SLC39A8: variants seen among roughly 807,000 people sequenced by gnomAD.
SLC39A8 encodes solute carrier family 39 member 8.
A neutral mutation model predicts 40.4 loss-of-function variants in SLC39A8; 15 were observed. The ratio of observed to expected loss-of-function variants is 0.37; its 90% CI spans 0.25 to 0.57. The LOEUF (loss-of-function observed/expected upper bound fraction) is 0.57. Among genes scored for constraint, SLC39A8 ranks in the 20% least tolerant of loss-of-function variants. The pLI is 0.75. For missense variants in SLC39A8, 472 were observed against 558.8 expected (o/e 0.84, Z 1.57); for synonymous variants, 223 against 221.6 (o/e 1.01, Z -0.06).
At chr4:102,266,648 G>A (rs901977727) in intron 8 of SLC39A8, among the ~76,000 whole-genome samples, 31 of 149,646 alleles carry the variant, frequency 2.1e-4, no homozygotes, top group African/African-American at 4.8e-4. Flanking sequence ...TCGTTCTGTC[G>A]TCAGGCTGGA....
At chr4:102,295,372 G>T (rs1243503137) in intron 6 of SLC39A8, among the ~76,000 whole-genome samples, 1 of 151,872 alleles carries the variant, frequency 6.6e-6, no homozygotes, top group Non-Finnish European at 1.5e-5. Context: ...CACAATTAAT[G>T]AGAATGTTAT....
chr4:102,344,994 G>A (rs1736114857), intron 1 of SLC39A8, 79 bp from the exon 2 acceptor site: 1 of 951,380 alleles, frequency 1.1e-6, no homozygotes, highest in Non-Finnish European at 1.3e-6. Flanking sequence ...ACGCTGCGTG[G>A]CAGTAGCCCT....
In SLC39A8 at chr4:102,262,467, T is replaced by C. The variant is rs1208461592; in HGVS notation, c.*577A>G. ...TATTATTTTAGAATGGTTTTCAAAA[T>C]AATACTGCAAGTTCCTAATTGAAAT... On this transcript the variant is annotated 3_prime_UTR_variant, in exon 9 of 9. Transcript: ENST00000356736. 4 of 985,250 alleles carry C rather than the reference T, an allele frequency of 4.1e-6. No homozygotes were observed. The highest frequency in any genetic ancestry group is 4.8e-6 in the Non-Finnish European group (4 of 829,736). The allele number at this position is 985,250 out of a possible 1,614,324, so 61.0% of individuals were successfully genotyped here.
At chr4:102,333,456 G>A (rs183844191) in intron 2 of SLC39A8, among the ~76,000 whole-genome samples, 1 of 152,246 alleles carries the variant, frequency 6.6e-6, no homozygotes, top group Non-Finnish European at 1.5e-5. Flanking sequence ...ATTATGACAA[G>A]ACTTATGTGC....
intron 3 of SLC39A8, among the ~76,000 whole-genome samples, chr4:102,312,932 G>A (rs990699406): frequency 6.6e-6 from 1 of 152,220 alleles, no homozygotes; most frequent in Non-Finnish European, 1.5e-5. Flanking sequence ...TTAGTCAAGG[G>A]TAGTATCCTA....
At chr4:102,299,031 G>C (rs1733795410) in intron 6 of SLC39A8, among the ~76,000 whole-genome samples, 1 of 151,978 alleles carries the variant, frequency 6.6e-6, no homozygotes, top group African/African-American at 2.4e-5. Flanking sequence ...AAGTGAACTA[G>C]AGAGACCCTC....
chr4:102,300,953 A>G (rs756564807), intron 6 of SLC39A8, among the ~76,000 whole-genome samples: 2 of 151,936 alleles, frequency 1.3e-5, no homozygotes, highest in Non-Finnish European at 2.9e-5. Flanking sequence ...CTGTTGCTCA[A>G]TTTGTTTAAA....
chr4:102,308,771 C>G (rs932087253), intron 3 of SLC39A8, among the ~76,000 whole-genome samples: 2 of 152,118 alleles, frequency 1.3e-5, no homozygotes, highest in Non-Finnish European at 2.9e-5. Flanking sequence ...ACACTAGTAA[C>G]ACCTACAGCT....
At chr4:102,329,174 G>A (rs1174333040) in intron 2 of SLC39A8, among the ~76,000 whole-genome samples, 5 of 152,304 alleles carry the variant, frequency 3.3e-5, no homozygotes, top group African/African-American at 1.2e-4. Context: ...AGCACTGAAG[G>A]TGAAATGTGA....
In SLC39A8 at chr4:102,277,417, G is replaced by A. The variant is rs182925729; in HGVS notation, c.841-9338C>T. Among the ~76,000 whole-genome samples, 91 of 152,126 alleles carry A rather than the reference G, an allele frequency of 6.0e-4. 1 individual carries two copies. Among genetic ancestry groups the A allele is most frequent in the African/African-American group, 1.9e-3 (77 of 41,496 alleles). ...GCTACCAAGAGAATAAAATACCTAG[G>A]AATACAACTTACAAGGGATGTGAAG... On this transcript the variant is annotated intron_variant, in intron 6 of 8. Transcript: ENST00000356736.
chr4:102,316,488 A>T (rs1734663600), intron 2 of SLC39A8, among the ~76,000 whole-genome samples: 2 of 152,200 alleles, frequency 1.3e-5, no homozygotes, highest in African/African-American at 4.8e-5. Context: ...TAGAATCTAC[A>T]TTAGGAAAAA....
Position 102,262,825 on chromosome 4 carries a change from T to C in SLC39A8, c.*219A>G, listed in dbSNP as rs1387597871. 1.5e-6 allele frequency: 2 copies of C among 1,323,732 alleles called. No homozygotes were observed. The highest frequency in any genetic ancestry group is 4.1e-5 in the South Asian group (2 of 48,624). The allele number at this position is 1,323,732 out of a possible 1,614,324, so 82.0% of individuals were successfully genotyped here. A position where few individuals can be genotyped will look rare whatever the true frequency, so the allele number is the denominator to read the frequency against. On this transcript the variant is annotated 3_prime_UTR_variant, in exon 9 of 9. Transcript: ENST00000356736. Reference sequence around the variant, plus strand: ...AATAGGTATTTCCCAAAGGCTCCTATATACCAGGCATCTCAGACTGACACT... The same window carrying C: ...AATAGGTATTTCCCAAAGGCTCCTACATACCAGGCATCTCAGACTGACACT...
At chr4:102,316,042 T>C (rs955937793) in intron 2 of SLC39A8, among the ~76,000 whole-genome samples, 33 of 152,206 alleles carry the variant, frequency 2.2e-4, no homozygotes, top group African/African-American at 7.7e-4. Context: ...AAAAATCCCT[T>C]CTTAATCAAC....
chr4:102,287,293 G>A (rs924436168), intron 6 of SLC39A8, among the ~76,000 whole-genome samples: 2 of 152,090 alleles, frequency 1.3e-5, no homozygotes, highest in African/African-American at 4.8e-5. Context: ...TTCATCAAGC[G>A]GCTGTCTAAG....
intron 2 of SLC39A8, among the ~76,000 whole-genome samples, chr4:102,337,792 C>T (rs1735740596): frequency 6.6e-6 from 1 of 152,098 alleles, no homozygotes; most frequent in Non-Finnish European, 1.5e-5. Context: ...CTAGACATGC[C>T]TGAAGTCTAT....
At chr4:102,315,905 C>G (rs1220961761) in intron 2 of SLC39A8, 75 bp from the exon 3 acceptor site, 1 of 1,273,958 alleles carries the variant, frequency 7.8e-7, no homozygotes, top group Non-Finnish European at 1.1e-6. Flanking sequence ...TATAAAGAGA[C>G]ACAGACTATT....
chr4:102,296,691 A>AT (rs1353389050), intron 6 of SLC39A8, among the ~76,000 whole-genome samples: 4 of 152,106 alleles, frequency 2.6e-5, no homozygotes, highest in African/African-American at 9.7e-5. Flanking sequence ...TCCAAAGCCT[A>AT]TGCTTCTCTT....
rs200933282 is a variant in SLC39A8, at chr4:102,283,970, CT to C, written c.841-15892del. 5.3e-5 allele frequency among the ~76,000 whole-genome samples: 8 copies of C among 151,896 alleles called. No homozygotes were observed. In the East Asian group the frequency reaches 1.2e-3, roughly 22 times the overall value. ...TCTCGGATATTCACATGGATGGTTC[CT>C]TCTTACAATTCTGATTTTAACTTAA... On this transcript the variant is annotated intron_variant, in intron 6 of 8. Coordinates refer to ENST00000356736, the MANE Select transcript of SLC39A8 (RefSeq NM_001135146.2).
At chr4:102,321,798 A>G (rs1195967189) in intron 2 of SLC39A8, among the ~76,000 whole-genome samples, 1 of 152,206 alleles carries the variant, frequency 6.6e-6, no homozygotes, top group Non-Finnish European at 1.5e-5. Flanking sequence ...GACCAGAGAC[A>G]AGGATGTGGC....
Sources: gnomAD v4.1 joint callset for allele counts (sites outside exome capture counted in the v4.1 genomes callset) on GRCh38, gnomAD v4.1.1 for gene constraint, MANE v1.5 for transcripts, NCBI Gene and HGNC (gene_info 2026-07-23, HGNC 2026-07-21) for gene names.